SPP2: variants seen among roughly 807,000 people sequenced by gnomAD.
The protein encoded by SPP2 is secreted phosphoprotein 24.
A neutral mutation model predicts 28.8 loss-of-function variants in SPP2; 34 were observed. The ratio of observed to expected loss-of-function variants is 1.18; its 90% CI spans 0.90 to 1.57. SPP2 has a LOEUF of 1.57. Among genes scored for constraint, SPP2 ranks in the 40% most tolerant of loss-of-function variants. SPP2 has a pLI of 0.00. For missense variants in SPP2, 269 were observed against 263.9 expected, an observed-to-expected ratio of 1.02 and a Z score of -0.13; for synonymous variants, 96 against 89.4, an observed-to-expected ratio of 1.07 and a Z score of -0.42.
At chr2:234,066,347 A>G (rs1693817498) in intron 4 of SPP2, among the ~76,000 whole-genome samples, 186 bp from the exon 5 acceptor site, 1 of 152,170 alleles carries the variant, frequency 6.6e-6, no homozygotes, top group Non-Finnish European at 1.5e-5. Flanking sequence ...GCTCTTCCCC[A>G]TGTGCTTTTT....
At chr2:234,065,908 C>T (rs1172839214) in intron 4 of SPP2, among the ~76,000 whole-genome samples, 1 of 152,200 alleles carries the variant, frequency 6.6e-6, no homozygotes, top group Non-Finnish European at 1.5e-5. Context: ...CATTCTTTTG[C>T]ATGTGCATAT....
intron 6 of SPP2, among the ~76,000 whole-genome samples, 161 bp from the exon 7 acceptor site, chr2:234,069,767 A>G (rs1193708711): frequency 1.3e-5 from 2 of 152,148 alleles, no homozygotes; most frequent in African/African-American, 4.8e-5. Flanking sequence ...AGAGAATGGA[A>G]TAAGGAAGAT....
chr2:234,059,561 C>T (rs947356725), intron 3 of SPP2, among the ~76,000 whole-genome samples: 1 of 151,962 alleles, frequency 6.6e-6, no homozygotes, highest in African/African-American at 2.4e-5. Context: ...AACAAACAAA[C>T]AAAAAACACT....
At chr2:234,056,723 A>T (rs1201319547) in intron 2 of SPP2, among the ~76,000 whole-genome samples, 1 of 152,136 alleles carries the variant, frequency 6.6e-6, no homozygotes, top group Non-Finnish European at 1.5e-5. Context: ...TAATTTTTTA[A>T]TGAGACACAG....
chr2:234,072,936 G>A (rs541612770), intron 7 of SPP2, among the ~76,000 whole-genome samples: 10 of 152,186 alleles, frequency 6.6e-5, no homozygotes, highest in Non-Finnish European at 1.3e-4. Context: ...TGCCCAGGCT[G>A]GAGTGCAGTG....
intron 2 of SPP2, among the ~76,000 whole-genome samples, chr2:234,058,506 AGTGAGTAG>A (rs1693652040): frequency 6.6e-6 from 1 of 152,224 alleles, no homozygotes; most frequent in Non-Finnish European, 1.5e-5. Context: ...AATAAATTTT[AGTGAGTAG>A]GTGAGTTTGC....
chr2:234,068,322 A>G (rs1380462650), intron 6 of SPP2, among the ~76,000 whole-genome samples: 1 of 152,218 alleles, frequency 6.6e-6, no homozygotes, highest in Non-Finnish European at 1.5e-5. Context: ...ACTGAGGCTT[A>G]GTGAGTTCCT....
At position 234,051,004 on chromosome 2, in the gene SPP2, T is replaced by C. The variant is rs1693481108; in HGVS notation, c.119T>C (p.Leu40Ser). The change falls in exon 2 of 8, where the codon TTA becomes TCA. Residue 40 changes from leucine (L) to serine (S), a missense_variant. Physicochemically the swap from Leu to Ser is moderately radical, Grantham distance 145. Coordinates refer to ENST00000168148, the MANE Select transcript of SPP2 (RefSeq NM_006944.3). Reference sequence around the variant, plus strand: ...GTGTACGACTACGATCCATCCTCCTTAAGGGATGCCCTCAGTGCCTCTGTG... The same window carrying C: ...GTGTACGACTACGATCCATCCTCCTCAAGGGATGCCCTCAGTGCCTCTGTG... Reference protein sequence around the residue: ...FPVYDYDPSSLRDALSASVVK... With the variant: ...FPVYDYDPSSSRDALSASVVK... 6.2e-7 allele frequency: 1 copy of C among 1,613,862 alleles called. No homozygotes were observed.
intron 7 of SPP2, among the ~76,000 whole-genome samples, chr2:234,074,487 C>T (rs545072899): frequency 7.2e-4 from 109 of 152,134 alleles, no homozygotes; most frequent in African/African-American, 2.6e-3. Flanking sequence ...GCCAGATGCC[C>T]CACGGAAGAC....
At chr2:234,056,257 A>G (rs1286424194) in intron 2 of SPP2, 1 of 152,230 alleles carries the variant, frequency 6.6e-6, no homozygotes, top group Non-Finnish European at 1.5e-5. Flanking sequence ...AAGTGGGCGA[A>G]GGATATGAAC....
chr2:234,067,428 A>C (rs889693009), intron 6 of SPP2, among the ~76,000 whole-genome samples, 154 bp downstream of exon 6: 9 of 152,224 alleles, frequency 5.9e-5, no homozygotes, highest in Non-Finnish European at 1.2e-4. Context: ...ATAGTAATGT[A>C]TAAACTTGCT....
At chr2:234,059,115 C>A (rs960337245) in intron 3 of SPP2, among the ~76,000 whole-genome samples, 157 bp downstream of exon 3, 1 of 152,214 alleles carries the variant, frequency 6.6e-6, no homozygotes, top group African/African-American at 2.4e-5. Context: ...GGAAGTGTTA[C>A]TCCGTGGCTG....
At chr2:234,052,849 AT>A (rs966341404) in intron 2 of SPP2, among the ~76,000 whole-genome samples, 3 of 151,922 alleles carry the variant, frequency 2.0e-5, no homozygotes, top group African/African-American at 4.8e-5. Flanking sequence ...TCCTGGTGAT[AT>A]TTTTTTCTAT....
Position 234,059,026 on chromosome 2 carries a change from G to A in SPP2, c.333+68G>A. ...AGCCTCACTTCTTCCATGACCTGGA[G>A]TCACACAAAGAACTTGGTCGCTGCC... is the stretch of plus-strand genomic sequence containing the variant. On this transcript the variant is annotated intron_variant, in intron 3 of 7. Coordinates refer to ENST00000168148, the MANE Select transcript of SPP2 (RefSeq NM_006944.3). 8.3e-6 allele frequency: 13 copies of A among 1,557,356 alleles called. 1 individual carries two copies. The highest frequency in any genetic ancestry group is 1.7e-4 in the Middle Eastern group (1 of 5,796).
chr2:234,066,652 TAGTG>T, intron 5 of SPP2, 65 bp downstream of exon 5: 2 of 1,185,542 alleles, frequency 1.7e-6, no homozygotes, highest in Non-Finnish European at 2.5e-6. Flanking sequence ...AACTCTTTGT[TAGTG>T]AGTCATTTAA....
At chr2:234,051,437 A>C (rs1412552764) in intron 2 of SPP2, among the ~76,000 whole-genome samples, 1 of 152,152 alleles carries the variant, frequency 6.6e-6, no homozygotes, top group Non-Finnish European at 1.5e-5. Flanking sequence ...GCCTCCTTTC[A>C]AATTCAGCAG....
intron 7 of SPP2, among the ~76,000 whole-genome samples, chr2:234,072,628 A>G (rs1438200163): frequency 6.6e-6 from 1 of 152,188 alleles, no homozygotes; most frequent in Non-Finnish European, 1.5e-5. Flanking sequence ...AGTCCCAGTT[A>G]TGTCTCTGCC....
rs977417964 is a variant in SPP2 at position 234,065,800 on chromosome 2, T to G, written c.445-733T>G. The stretch of plus-strand genomic sequence containing the variant: ...AATTAAATTTTGATGAACTCCAGTT[T>G]ATCTATTTTTTGTTTTGTTGTTTCT... On this transcript the variant is annotated intron_variant, in intron 4 of 7. Transcript: ENST00000168148. 4.6e-5 allele frequency among the ~76,000 whole-genome samples: 7 copies of G among 152,224 alleles called. 1 individual carries two copies. Among genetic ancestry groups the G allele is most frequent in the Admixed American group, 4.6e-4 (7 of 15,288 alleles).
intron 7 of SPP2, among the ~76,000 whole-genome samples, chr2:234,074,004 C>G (rs1386919889): frequency 6.6e-6 from 1 of 152,186 alleles, no homozygotes; most frequent in Non-Finnish European, 1.5e-5. Flanking sequence ...CTCATACATT[C>G]TCTTGCATAA....
Sources: gnomAD v4.1 joint callset for allele counts (sites outside exome capture counted in the v4.1 genomes callset) on GRCh38, gnomAD v4.1.1 for gene constraint, MANE v1.5 for transcripts, NCBI Gene and HGNC (gene_info 2026-07-23, HGNC 2026-07-21) for gene names.